The following PMPCB variants were observed in gnomAD, a reference collection of about 807,000 sequenced individuals.
The protein encoded by PMPCB is mitochondrial-processing peptidase subunit beta.
PMPCB carries 46 observed loss-of-function variants against 61.5 expected under a neutral mutation model. That is an observed-to-expected ratio of 0.75 (90% CI 0.59 to 0.96). The LOEUF is 0.96. Among genes scored for constraint, PMPCB ranks in the 40% least tolerant of loss-of-function variants. The pLI is 0.00. For missense variants in PMPCB, 590 were observed against 602.4 expected (o/e 0.98, Z 0.22); for synonymous variants, 191 against 201.6 (o/e 0.95, Z 0.44).
chr7:103,309,220 C>A, intron 8 of PMPCB, 125 bp downstream of exon 8: 1 of 682,920 alleles, frequency 1.5e-6, no homozygotes, highest in Non-Finnish European at 2.1e-6. Flanking sequence ...TGAATTCTGA[C>A]TTAAAAATAT....
intron 4 of PMPCB, among the ~76,000 whole-genome samples, chr7:103,302,435 C>T (rs998471904): frequency 1.3e-5 from 2 of 152,200 alleles, no homozygotes; most frequent in Admixed American, 1.3e-4. Flanking sequence ...CCCTCCCTGC[C>T]TTTGGAAACT....
At chr7:103,310,576 T>C (rs1164046083) in intron 9 of PMPCB, 101 bp downstream of exon 9, 3 of 889,840 alleles carry the variant, frequency 3.4e-6, no homozygotes, top group Non-Finnish European at 5.0e-6. Flanking sequence ...TTTTACCTTT[T>C]AATTAAGAGA....
downstream of PMPCB, among the ~76,000 whole-genome samples, chr7:103,330,698 C>G (rs1325740401): frequency 1.3e-5 from 2 of 151,720 alleles, no homozygotes; most frequent in Non-Finnish European, 2.9e-5. Context: ...GATCTGCCCA[C>G]CTCAGCCTCC....
At chr7:103,300,982 C>T (rs1586039426) in intron 4 of PMPCB, among the ~76,000 whole-genome samples, 1 of 152,230 alleles carries the variant, frequency 6.6e-6, no homozygotes, top group Admixed American at 6.5e-5. Context: ...CTGTGCACGG[C>T]CATTAGTGAA....
intron 3 of PMPCB, among the ~76,000 whole-genome samples, 169 bp from the exon 4 acceptor site, chr7:103,300,009 A>C (rs533199387): frequency 1.3e-5 from 2 of 152,294 alleles, no homozygotes; most frequent in Non-Finnish European, 2.9e-5. Context: ...CAGCTTCTCA[A>C]AGTGCTGGGG....
At chr7:103,333,748 C>T (rs546912025), downstream of PMPCB, among the ~76,000 whole-genome samples, 4 of 152,196 alleles carry the variant, frequency 2.6e-5, no homozygotes, top group Non-Finnish European at 4.4e-5. Context: ...ATGTAACTTA[C>T]AGTATGCCTA....
chr7:103,299,201 T>C (rs1817380482), intron 2 of PMPCB, among the ~76,000 whole-genome samples: 2 of 152,216 alleles, frequency 1.3e-5, no homozygotes, highest in Non-Finnish European at 2.9e-5. Flanking sequence ...ATTGGCTGGA[T>C]TAATGAGTTG....
At chr7:103,307,426 A>C (rs1410194829) in intron 6 of PMPCB, among the ~76,000 whole-genome samples, 170 bp from the exon 7 acceptor site, 1 of 152,232 alleles carries the variant, frequency 6.6e-6, no homozygotes, top group East Asian at 1.9e-4. Flanking sequence ...TGCAACCTCA[A>C]GCTTTGCAAC....
At chr7:103,297,723 G>A in intron 1 of PMPCB, 165 bp downstream of exon 1, 1 of 1,534,776 alleles carries the variant, frequency 6.5e-7, no homozygotes, top group Non-Finnish European at 8.7e-7. Flanking sequence ...GGCCGGGGGT[G>A]ACTGGCTTGT....
rs763786275 is a variant in PMPCB, at chr7:103,304,070, A to C, written c.656+30A>C. ...GTATAACAGAATTTCTTGGTGTATA[A>C]GGGAATTTATGAATGTTGAAAATAA... On this transcript the variant is annotated intron_variant, in intron 5 of 12. Transcript: ENST00000249269. 5 of 1,448,896 alleles carry C rather than the reference A, an allele frequency of 3.5e-6. No homozygotes were observed. In the Admixed American group the frequency reaches 9.6e-5, roughly 28 times the overall value. 89.8% of individuals were successfully genotyped at this position (1,448,896 alleles called of 1,614,324 possible).
intron 1 of PMPCB, chr7:103,297,877 C>T (rs1817332281): frequency 7.0e-7 from 1 of 1,418,524 alleles, no homozygotes; most frequent in Non-Finnish European, 9.3e-7. Context: ...AAATGGGTAC[C>T]GCTCCAGAGT....
At chr7:103,344,993 ATTATCT>A in the PMPCB span, 2 of 414,636 alleles carry the variant, frequency 4.8e-6, no homozygotes, top group Admixed American at 4.1e-5. Flanking sequence ...TTCTTTTTAT[ATTATCT>A]TTAAGTTCTT....
At position 103,304,452 on chromosome 7, in the gene PMPCB, A is replaced by C; in HGVS notation, c.698A>C (p.His233Pro). The change falls in exon 6 of 13, where the codon CAT becomes CCT. Residue 233 changes from histidine to proline, a missense_variant. Transcript: ENST00000249269. Reference protein sequence around the residue: ...RKDLVDYITTHYKGPRIVLAA... With the variant: ...RKDLVDYITTPYKGPRIVLAA... ...GACTTAGTGGATTATATAACCACAC[A>C]TTATAAGGGGCCAAGAATAGTGCTT... 1 of 1,607,888 alleles carries C rather than the reference A, an allele frequency of 6.2e-7. No homozygotes were observed. The highest frequency in any genetic ancestry group is 8.5e-7 in the Non-Finnish European group (1 of 1,174,294).
At chr7:103,331,466 T>C (rs74805229), downstream of PMPCB, among the ~76,000 whole-genome samples, 574 of 152,330 alleles carry the variant, frequency 3.8e-3, 4 homozygotes, top group African/African-American at 0.014. Context: ...TTCCTTCTAA[T>C]TGTATGTTTG....
chr7:103,311,102 TAAATCTG>T (rs1243783033), intron 9 of PMPCB: 1 of 152,480 alleles, frequency 6.6e-6, no homozygotes, highest in Non-Finnish European at 1.5e-5. Flanking sequence ...GAAGGGAAAG[TAAATCTG>T]AAGTTGCCAC....
the PMPCB span, chr7:103,337,796 C>A: frequency 6.2e-7 from 1 of 1,613,002 alleles, no homozygotes; most frequent in African/African-American, 1.3e-5. Flanking sequence ...CCAAGAACTG[C>A]ATAATGATCT....
At chr7:103,341,393 C>T in the PMPCB span, among the ~76,000 whole-genome samples, 33 of 152,246 alleles carry the variant, frequency 2.2e-4, no homozygotes, top group South Asian at 6.2e-4. Flanking sequence ...ATCACCATAC[C>T]GCATGTACCC....
intron 12 of PMPCB, chr7:103,322,437 AG>A (rs1818472598): frequency 2.3e-6 from 3 of 1,316,326 alleles, no homozygotes; most frequent in Admixed American, 2.7e-5. Flanking sequence ...TTTTAAAAAA[AG>A]ATGTGAAGAT....
chr7:103,305,285 A>G (rs1817547527), intron 6 of PMPCB, among the ~76,000 whole-genome samples: 2 of 152,188 alleles, frequency 1.3e-5, no homozygotes, highest in Non-Finnish European at 2.9e-5. Flanking sequence ...TGACTTCAGA[A>G]GGTTTCCTTG....
Sources: gnomAD v4.1 joint callset for allele counts (sites outside exome capture counted in the v4.1 genomes callset) on GRCh38, gnomAD v4.1.1 for gene constraint, MANE v1.5 for transcripts, NCBI Gene and HGNC (gene_info 2026-07-23, HGNC 2026-07-21) for gene names.